TRAPPC9: variants seen among roughly 807,000 people sequenced by gnomAD.
TRAPPC9 encodes IKK2 binding protein.
Under a neutral mutation model 124.0 loss-of-function variants are expected in TRAPPC9, and 83 were observed. That is an observed-to-expected ratio of 0.67 (90% CI 0.56 to 0.80). The LOEUF (loss-of-function observed/expected upper bound fraction) is 0.80, where lower values mean the gene tolerates loss of function less well. Ranked by LOEUF, TRAPPC9 falls within the 30% of genes least tolerant of loss-of-function variation. The pLI is 0.00. For missense variants in TRAPPC9, 1,302 were observed against 1,508.3 expected, an observed-to-expected ratio of 0.86 and a Z score of 2.27; for synonymous variants, 638 against 617.5, an observed-to-expected ratio of 1.03 and a Z score of -0.49.
intron 15 of TRAPPC9, among the ~76,000 whole-genome samples, chr8:140,272,356 A>AGTGGT (rs1554658165): frequency 2.9e-5 from 3 of 104,528 alleles, no homozygotes; most frequent in Non-Finnish European, 5.5e-5. Context: ...CAGTGGAGAG[A>AGTGGT]GTGGTGGTAG....
At chr8:140,413,972 C>T (rs1026850040) in intron 5 of TRAPPC9, among the ~76,000 whole-genome samples, 123 of 152,000 alleles carry the variant, frequency 8.1e-4, no homozygotes, top group African/African-American at 2.1e-3. Context: ...AATAAACATA[C>T]GTGTGCATGT....
chr8:139,821,948 C>T lies in TRAPPC9; in HGVS notation c.3055+63931G>A, dbSNP rs370420117. ...GCTATTGGCTGGGCCTAAATTGTTC[C>T]TTACTCTGAGAATTCGTTAAGTGGC... On this transcript the variant is annotated intron_variant, in intron 21 of 22. Transcript: ENST00000438773. Among the ~76,000 whole-genome samples, 35 of 152,330 alleles carry T rather than the reference C, an allele frequency of 2.3e-4. No individual in the cohort carries two copies. In the East Asian group the frequency reaches 6.4e-3, roughly 28 times the overall value.
intron 2 of TRAPPC9, among the ~76,000 whole-genome samples, chr8:140,441,011 T>C (rs1299009320): frequency 1.3e-5 from 2 of 149,498 alleles, no homozygotes; most frequent in African/African-American, 2.5e-5. Context: ...CAAGGTCTTA[T>C]TCTGCTGCCC....
At chr8:139,958,228 C>A (rs1431607936) in intron 19 of TRAPPC9, among the ~76,000 whole-genome samples, 1 of 152,332 alleles carries the variant, frequency 6.6e-6, no homozygotes. Flanking sequence ...CCAGTCCCCA[C>A]GGCTCCCTTC....
chr8:140,319,445 G>A (rs1225514606), intron 9 of TRAPPC9, among the ~76,000 whole-genome samples: 1 of 151,022 alleles, frequency 6.6e-6, no homozygotes, highest in African/African-American at 2.4e-5. Context: ...CCAAAGTGCT[G>A]GGATTACAGG....
At chr8:139,898,228 T>G (rs1830788135) in intron 20 of TRAPPC9, among the ~76,000 whole-genome samples, 1 of 152,224 alleles carries the variant, frequency 6.6e-6, no homozygotes, top group African/African-American at 2.4e-5. Context: ...GGCTGCCCCT[T>G]GGCTCTGGGC....
chr8:139,958,680 G>A (rs1320966725), intron 19 of TRAPPC9, among the ~76,000 whole-genome samples: 3 of 152,192 alleles, frequency 2.0e-5, no homozygotes, highest in African/African-American at 4.8e-5. Flanking sequence ...TGTAGCCCCA[G>A]GAACACGGTG....
At chr8:139,996,040 C>T (rs891813665) in intron 18 of TRAPPC9, among the ~76,000 whole-genome samples, 6 of 149,696 alleles carry the variant, frequency 4.0e-5, no homozygotes, top group Non-Finnish European at 7.4e-5. Context: ...TTCAAGATGA[C>T]TGTCTTATTA....
At chr8:140,062,954 T>C (rs1298412730) in intron 17 of TRAPPC9, among the ~76,000 whole-genome samples, 2 of 152,058 alleles carry the variant, frequency 1.3e-5, no homozygotes, top group African/African-American at 4.8e-5. Flanking sequence ...GAGGTTTAAT[T>C]GAGAGTTTAG....
At chr8:140,163,979 G>A (rs760382974) in intron 17 of TRAPPC9, among the ~76,000 whole-genome samples, 5 of 152,184 alleles carry the variant, frequency 3.3e-5, no homozygotes, top group African/African-American at 4.8e-5. Flanking sequence ...AATTTAACTC[G>A]TTCGTGAAGA....
chr8:140,452,330 G>A (rs1381591173), intron 1 of TRAPPC9, among the ~76,000 whole-genome samples: 1 of 139,570 alleles, frequency 7.2e-6, no homozygotes, highest in Admixed American at 7.6e-5. Context: ...TGAGGCAGGA[G>A]AATGGCATGA....
chr8:139,907,248 G>C lies in TRAPPC9; in HGVS notation c.2964+2899C>G, dbSNP rs1831418334. On this transcript the variant is annotated intron_variant, in intron 20 of 22. Coordinates refer to ENST00000438773, the MANE Select transcript of TRAPPC9 (RefSeq NM_001160372.4). This position sits in a 1 kb window ranked among gnomAD's most constrained non-coding sequence, Gnocchi z 4.7. ...ATAGACAGGTGTGCATCGACCCAGT[G>C]CAAGATCCCCAATTTCCTTTAAAAC... Among the ~76,000 whole-genome samples, 1 of 152,188 alleles carries C rather than the reference G, an allele frequency of 6.6e-6. No homozygotes were observed. The highest frequency in any genetic ancestry group is 1.5e-5 in the Non-Finnish European group (1 of 68,032).
At chr8:140,317,255 T>A (rs1294636564) in intron 9 of TRAPPC9, among the ~76,000 whole-genome samples, 5 of 152,180 alleles carry the variant, frequency 3.3e-5, no homozygotes, top group African/African-American at 1.2e-4. Flanking sequence ...CTAACCTTGG[T>A]TGAGTCTGTT....
In TRAPPC9 at chr8:140,063,359, G is replaced by A. The variant is rs1374751202; in HGVS notation, c.2557-39280C>T. 1.3e-5 allele frequency among the ~76,000 whole-genome samples: 2 copies of A among 152,106 alleles called. No homozygotes were observed. Among genetic ancestry groups the A allele is most frequent in the South Asian group, 2.1e-4 (1 of 4,834 alleles). ...ACGTCACCACGCAGTCAATTCTCAC[G>A]TACCTTTCACGAGCCAGGTAACACG... On this transcript the variant is annotated intron_variant, in intron 17 of 22. Transcript: ENST00000438773. This position sits in a 1 kb window ranked among gnomAD's most constrained non-coding sequence, Gnocchi z 4.3.
chr8:140,036,731 G>C (rs1840915514), intron 17 of TRAPPC9, among the ~76,000 whole-genome samples: 1 of 152,214 alleles, frequency 6.6e-6, no homozygotes, highest in Admixed American at 6.5e-5. Context: ...CATCTGTCCA[G>C]AGAGAGAGCA....
At chr8:139,784,636 TATATATATAA>T (rs1311356782) in intron 21 of TRAPPC9, among the ~76,000 whole-genome samples, 25 of 142,830 alleles carry the variant, frequency 1.8e-4, no homozygotes, top group African/African-American at 5.3e-4. Flanking sequence ...TATATATATA[TATATATATAA>T]ATCAACTGCA....
chr8:139,810,266 G>A (rs1463310590), intron 21 of TRAPPC9, among the ~76,000 whole-genome samples: 1 of 152,208 alleles, frequency 6.6e-6, no homozygotes, highest in Non-Finnish European at 1.5e-5. Context: ...ACGCCAAGGA[G>A]ACAAGGCCAC....
Position 140,397,759 on chromosome 8 carries a change from A to C in TRAPPC9, c.1009-14T>G. The stretch of plus-strand genomic sequence containing the variant: ...CGCATTCTTATACTGCAGGGTGTAA[A>C]GGAAATGCCTCAGTCAAAAAAGAGT... On this transcript the variant is annotated splice_polypyrimidine_tract_variant and intron_variant, in intron 6 of 22. Transcript: ENST00000438773. The C allele has an allele frequency of 6.2e-7, 1 of 1,613,932 alleles. No individual in the cohort carries two copies. Among genetic ancestry groups the C allele is most frequent in the Admixed American group, 1.7e-5 (1 of 60,022 alleles).
At chr8:140,017,693 G>A (rs1839555739) in intron 18 of TRAPPC9, among the ~76,000 whole-genome samples, 1 of 151,984 alleles carries the variant, frequency 6.6e-6, no homozygotes, top group Admixed American at 6.6e-5. Flanking sequence ...CAAGTTATTT[G>A]TCTATTCTAG....
Sources: gnomAD v4.1 joint callset for allele counts (sites outside exome capture counted in the v4.1 genomes callset) on GRCh38, gnomAD v4.1.1 for gene constraint, Gnocchi (gnomAD v3.1) non-coding constraint, MANE v1.5 for transcripts, NCBI Gene and HGNC (gene_info 2026-07-23, HGNC 2026-07-21) for gene names.